The following TNRC6B variants were observed in gnomAD, a reference collection of about 807,000 sequenced individuals.
The protein encoded by TNRC6B is trinucleotide repeat-containing gene 6B protein.
A neutral mutation model predicts 203.6 loss-of-function variants in TNRC6B; 52 were observed. That is an observed-to-expected ratio of 0.26 (90% confidence interval 0.20 to 0.32). The LOEUF (loss-of-function observed/expected upper bound fraction) is 0.32, where lower values mean the gene tolerates loss of function less well. TNRC6B is among the 10% of genes least tolerant of loss of function. TNRC6B has a pLI of 1.00. For synonymous variants in TNRC6B, 838 were observed against 845.7 expected, an observed-to-expected ratio of 0.99 and a Z score of 0.16; for missense variants, 1,923 against 2,286.2, an observed-to-expected ratio of 0.84 and a Z score of 3.24.
At chr22:40,129,514 A>G (rs1185243477) in intron 3 of TNRC6B, among the ~76,000 whole-genome samples, 1 of 152,158 alleles carries the variant, frequency 6.6e-6, no homozygotes, top group African/African-American at 2.4e-5. Context: ...TCGAGGATGG[A>G]TTGAGATCCT....
rs143365934 is a variant in TNRC6B, at chr22:40,133,711, G to A, written c.45+7849G>A. 6.9e-3 allele frequency among the ~76,000 whole-genome samples: 1,049 copies of A among 152,260 alleles called. 14 individuals carry two copies. Among genetic ancestry groups the A allele is most frequent in the African/African-American group, 0.023 (965 of 41,560 alleles). On this transcript the variant is annotated intron_variant, in intron 3 of 23. Transcript: ENST00000301923. ...GTGCCGGGCACGGTGGCTCATGCCT[G>A]TAATCCCAGCACTTTGGGAGGCCGA...
intron 2 of TNRC6B, among the ~76,000 whole-genome samples, chr22:40,121,705 A>G (rs550206442): frequency 2.0e-4 from 30 of 152,222 alleles, no homozygotes; most frequent in Non-Finnish European, 3.8e-4. Flanking sequence ...CACCACCGCC[A>G]CAACCGTCTG....
intron 4 of TNRC6B, among the ~76,000 whole-genome samples, chr22:40,158,902 C>T (rs1265568854): frequency 6.6e-6 from 1 of 152,076 alleles, no homozygotes; most frequent in Non-Finnish European, 1.5e-5. Flanking sequence ...CTGCAGTTGG[C>T]AAATGATTAT....
Position 40,327,278 on chromosome 22 carries a change from C to T in TNRC6B, c.*4037C>T, listed in dbSNP as rs910794008. 1 of 152,616 alleles carries T rather than the reference C, an allele frequency of 6.6e-6. No individual in the cohort carries two copies. The highest frequency in any genetic ancestry group is 2.4e-5 in the African/African-American group (1 of 41,440). 9.5% of individuals were successfully genotyped at this position (152,616 alleles called of 1,614,324 possible). ...ACTCCACAGATGTAAGATACTCACC[C>T]ATAAAGGAAATTGGAGTGGTTCTGG... On this transcript the variant is annotated 3_prime_UTR_variant, in exon 23 of 23. Transcript: ENST00000454349.
At chr22:40,177,908 A>C, upstream of TNRC6B, 1 of 1,343,482 alleles carries the variant, frequency 7.4e-7, no homozygotes, top group Non-Finnish European at 9.5e-7. Context: ...TGAAGGTCAC[A>C]AAAAGCTGCT....
chr22:40,267,118 A>G, intron 5 of TNRC6B, 82 bp downstream of exon 5: 1 of 1,388,706 alleles, frequency 7.2e-7, no homozygotes, highest in Non-Finnish European at 9.5e-7. Flanking sequence ...GAATTTATTC[A>G]ACTTAGTTTT....
intron 1 of TNRC6B, among the ~76,000 whole-genome samples, chr22:40,227,105 T>TATTATTATC (rs1555891419): frequency 6.8e-6 from 1 of 147,582 alleles, no homozygotes; most frequent in African/African-American, 2.5e-5. Context: ...TTATTATTAT[T>TATTATTATC]ATTATTATTA....
At chr22:40,084,524 A>G (rs6001751) in intron 1 of TNRC6B, among the ~76,000 whole-genome samples, 4 of 152,340 alleles carry the variant, frequency 2.6e-5, no homozygotes, top group African/African-American at 9.6e-5. Flanking sequence ...TCAGACGGTG[A>G]TAAGTGTTCT....
At chr22:40,126,430 A>G (rs1326682582) in intron 3 of TNRC6B, among the ~76,000 whole-genome samples, 7 of 151,896 alleles carry the variant, frequency 4.6e-5, no homozygotes, top group African/African-American at 1.7e-4. Flanking sequence ...CCCAGTGTCC[A>G]CCGTTTCCAT....
At chr22:40,270,305 G>A in intron 6 of TNRC6B, 25 bp downstream of exon 6, 1 of 1,293,042 alleles carries the variant, frequency 7.7e-7, no homozygotes, top group Non-Finnish European at 1.0e-6. Context: ...TTTCATTTTT[G>A]AGGGATCCTT....
chr22:40,252,108 C>G (rs1333366013), intron 3 of TNRC6B, among the ~76,000 whole-genome samples: 1 of 152,190 alleles, frequency 6.6e-6, no homozygotes, highest in Admixed American at 6.5e-5. Context: ...GTGATTGTCA[C>G]ATTTTTGTTC....
intron 1 of TNRC6B, among the ~76,000 whole-genome samples, chr22:40,102,561 C>T (rs1194174070): frequency 6.6e-6 from 1 of 152,130 alleles, no homozygotes; most frequent in African/African-American, 2.4e-5. Context: ...CGGGTATTTG[C>T]ATTATAACAA....
At chr22:40,175,782 A>G (rs1446963118), upstream of TNRC6B, among the ~76,000 whole-genome samples, 1 of 152,248 alleles carries the variant, frequency 6.6e-6, no homozygotes, top group Non-Finnish European at 1.5e-5. Context: ...AGGCAAAGAC[A>G]GTGGAAGCTT....
At chr22:40,055,153 AAGG>A (rs1428190538) in intron 1 of TNRC6B, among the ~76,000 whole-genome samples, 1 of 152,190 alleles carries the variant, frequency 6.6e-6, no homozygotes, top group Non-Finnish European at 1.5e-5. Flanking sequence ...GGTGGGGCGA[AAGG>A]AGATCTTTGT....
chr22:40,072,090 C>CAAGCGATCAT (rs1424061394), intron 1 of TNRC6B, among the ~76,000 whole-genome samples: 1 of 152,166 alleles, frequency 6.6e-6, no homozygotes, highest in Non-Finnish European at 1.5e-5. Flanking sequence ...TGCCTGGACT[C>CAAGCGATCAT]AAGCGATCAT....
chr22:40,207,421 ATAT>A (rs2069496027), intron 1 of TNRC6B, among the ~76,000 whole-genome samples: 13 of 86,334 alleles, frequency 1.5e-4, no homozygotes, highest in South Asian at 3.2e-4. Flanking sequence ...AAAAAAAAAT[ATAT>A]ATATATATAT....
At chr22:40,199,472 C>G (rs1431103908) in intron 1 of TNRC6B, among the ~76,000 whole-genome samples, 2 of 152,092 alleles carry the variant, frequency 1.3e-5, no homozygotes, top group East Asian at 3.9e-4. Flanking sequence ...TGACCTCAAT[C>G]TAATTATGAG....
intron 1 of TNRC6B, among the ~76,000 whole-genome samples, chr22:40,088,144 A>C (rs1162133958): frequency 6.6e-6 from 1 of 152,236 alleles, no homozygotes; most frequent in Non-Finnish European, 1.5e-5. Context: ...TACCTTTAAA[A>C]GACTTTCCTA....
At chr22:40,198,824 C>T (rs575465206) in intron 1 of TNRC6B, among the ~76,000 whole-genome samples, 6 of 152,062 alleles carry the variant, frequency 3.9e-5, no homozygotes, top group Admixed American at 1.3e-4. Flanking sequence ...CACATACATA[C>T]GCACATCTGT....
Sources: gnomAD v4.1 joint callset for allele counts (sites outside exome capture counted in the v4.1 genomes callset) on GRCh38, gnomAD v4.1.1 for gene constraint, MANE v1.5 for transcripts, NCBI Gene and HGNC (gene_info 2026-07-23, HGNC 2026-07-21) for gene names.